HNRNPLL: variants seen among roughly 807,000 people sequenced by gnomAD.
HNRNPLL encodes the protein heterogeneous nuclear ribonucleoprotein L-like.
Under a neutral mutation model 67.1 loss-of-function variants are expected in HNRNPLL, and 25 were observed. The observed-to-expected ratio is 0.37, with a 90% CI of 0.27 to 0.52. The LOEUF is 0.52. HNRNPLL is among the 20% of genes least tolerant of loss of function. The pLI is 0.90. For missense variants in HNRNPLL, 542 were observed against 673.9 expected, an observed-to-expected ratio of 0.80 and a Z score of 2.17; for synonymous variants, 267 against 241.7, an observed-to-expected ratio of 1.10 and a Z score of -0.97.
At chr2:38,569,957 T>A in intron 8 of HNRNPLL, 32 bp from the exon 9 acceptor site, 1 of 1,511,382 alleles carries the variant, frequency 6.6e-7, no homozygotes, top group African/African-American at 1.4e-5. Context: ...AAGGTGACCA[T>A]TTAATTCCCT....
At position 38,563,972 on chromosome 2, in the gene HNRNPLL, T is replaced by G. The variant is rs2148329711; in HGVS notation, c.*210A>C. 2.0e-6 allele frequency: 1 copy of G among 505,998 alleles called. No homozygotes were observed. Among genetic ancestry groups the G allele is most frequent in the East Asian group, 3.4e-5 (1 of 29,550 alleles). The allele number at this position is 505,998 out of a possible 1,614,324, so 31.3% of individuals were successfully genotyped here. ...TAATCTACAATGAAGCTGTAGATAG[T>G]CTACATTATGATATTCTATCTTAAA... is the stretch of plus-strand genomic sequence containing the variant. On this transcript the variant is annotated 3_prime_UTR_variant, in exon 13 of 13. Coordinates refer to ENST00000449105, the MANE Select transcript of HNRNPLL (RefSeq NM_138394.4).
At position 38,578,397 on chromosome 2, in the gene HNRNPLL, T is replaced by C. The variant is rs980610853; in HGVS notation, c.803-865A>G. Among the ~76,000 whole-genome samples, 19 of 152,236 alleles carry C rather than the reference T, an allele frequency of 1.2e-4. 1 individual carries two copies. Among genetic ancestry groups the C allele is most frequent in the African/African-American group, 4.6e-4 (19 of 41,566 alleles). Reference sequence around the variant, plus strand: ...TTTAAAAATCATTATACAATACTTTTAGAAAGTTTGCTGATGAAATTACAG... The same window carrying C: ...TTTAAAAATCATTATACAATACTTTCAGAAAGTTTGCTGATGAAATTACAG... On this transcript the variant is annotated intron_variant, in intron 6 of 12. Transcript: ENST00000449105.
At chr2:38,574,721 C>G (rs1046875481) in intron 7 of HNRNPLL, among the ~76,000 whole-genome samples, 4 of 151,770 alleles carry the variant, frequency 2.6e-5, no homozygotes, top group Non-Finnish European at 5.9e-5. Flanking sequence ...GGGAGGAATA[C>G]TTTATCAATG....
At chr2:38,567,883 T>C (rs1488188557) in intron 12 of HNRNPLL, among the ~76,000 whole-genome samples, 1 of 152,108 alleles carries the variant, frequency 6.6e-6, no homozygotes, top group Non-Finnish European at 1.5e-5. Context: ...CTGAGATTAC[T>C]GCAGACTTAA....
rs1667472034 is a variant in HNRNPLL, at chr2:38,602,252, T to G, written c.189+186A>C. ...GCCTGCGGCCAGGACGGCGCCGGGT[T>G]CGCAGTCGGGATGCGGGAAACAGGT... On this transcript the variant is annotated intron_variant, in intron 1 of 12. Transcript: ENST00000449105. The G allele has an allele frequency of 1.7e-5, 10 of 574,296 alleles. No individual in the cohort carries two copies. The East Asian group carries it at 3.5e-4, about 20-fold the overall frequency. 35.6% of individuals were successfully genotyped at this position (574,296 alleles called of 1,614,324 possible).
chr2:38,598,499 G>C (rs1235026826), intron 1 of HNRNPLL, among the ~76,000 whole-genome samples: 2 of 152,180 alleles, frequency 1.3e-5, no homozygotes, highest in African/African-American at 4.8e-5. Flanking sequence ...AGTTGTTGCT[G>C]TGGCTGTAAG....
Position 38,597,937 on chromosome 2 carries a change from T to A in HNRNPLL, c.189+4501A>T, listed in dbSNP as rs181800784. Among the ~76,000 whole-genome samples, 262 of 152,260 alleles carry A rather than the reference T, an allele frequency of 1.7e-3. 1 individual carries two copies. The highest frequency in any genetic ancestry group is 6.1e-3 in the African/African-American group (253 of 41,564). On this transcript the variant is annotated intron_variant, in intron 1 of 12. Transcript: ENST00000449105. The stretch of plus-strand genomic sequence containing the variant: ...CTCCTAACCTCGTGATCCACCTGCC[T>A]CAGCCTCCCAAATTGCTGGGATTAC...
chr2:38,574,646 T>C (rs1666229258), intron 7 of HNRNPLL, among the ~76,000 whole-genome samples: 1 of 151,828 alleles, frequency 6.6e-6, no homozygotes, highest in Admixed American at 6.6e-5. Context: ...CAGCTGCCAT[T>C]CATAACAACA....
chr2:38,583,755 A>ACAC, intron 4 of HNRNPLL, 86 bp downstream of exon 4: 1 of 563,394 alleles, frequency 1.8e-6, no homozygotes, highest in Non-Finnish European at 3.1e-6. Context: ...GACAAAGTAA[A>ACAC]CACCACTTGT....
chr2:38,594,892 T>G (rs898023327), intron 1 of HNRNPLL, among the ~76,000 whole-genome samples: 12 of 151,960 alleles, frequency 7.9e-5, no homozygotes, highest in African/African-American at 2.7e-4. Context: ...TGCAGTGAAC[T>G]GAGATCACAT....
chr2:38,572,330 G>C (rs967526389), intron 8 of HNRNPLL, among the ~76,000 whole-genome samples: 1 of 152,022 alleles, frequency 6.6e-6, no homozygotes, highest in Non-Finnish European at 1.5e-5. Context: ...AATGAACTAA[G>C]AACTAAATGT....
intron 6 of HNRNPLL, 68 bp from the exon 7 acceptor site, chr2:38,577,600 G>A: frequency 1.1e-6 from 1 of 901,768 alleles, no homozygotes; most frequent in Non-Finnish European, 1.9e-6. Flanking sequence ...TCTCAGATGG[G>A]AAACACCCAT....
chr2:38,601,374 T>C (rs1401711634), intron 1 of HNRNPLL, among the ~76,000 whole-genome samples: 1 of 152,180 alleles, frequency 6.6e-6, no homozygotes, highest in Non-Finnish European at 1.5e-5. Context: ...AAAGGTAAGG[T>C]AAAAACCCTT....
chr2:38,579,082 C>G (rs921781659), intron 6 of HNRNPLL, among the ~76,000 whole-genome samples: 1 of 152,106 alleles, frequency 6.6e-6, no homozygotes, highest in Non-Finnish European at 1.5e-5. Flanking sequence ...ACCTAGGAAT[C>G]TTAAAACCAC....
chr2:38,602,520 G>A lies in HNRNPLL; in HGVS notation c.107C>T (p.Ala36Val). 1 of 1,552,802 alleles carries A rather than the reference G, an allele frequency of 6.4e-7. No individual in the cohort carries two copies. The highest frequency in any genetic ancestry group is 8.7e-7 in the Non-Finnish European group (1 of 1,149,524). Reference protein sequence around the residue: ...KTEEGEIDYSAEEGENRREAT... With the variant: ...KTEEGEIDYSVEEGENRREAT... ...TTCCCGGCGGTTCTCGCCTTCCTCG[G>A]CCGAGTAGTCGATCTCCCCCTCCTC... The change falls in exon 1 of 13, where the codon GCC (alanine) becomes GTC (valine). Residue 36 changes from alanine (A) to valine (V), a missense_variant. By Grantham distance (64) the Ala-to-Val change is moderately conservative. Around this residue, in one of 2 missense-constraint regions of HNRNPLL, gnomAD observed 127 missense variants for 98.7 expected, o/e 1.29. Coordinates refer to ENST00000449105, the MANE Select transcript of HNRNPLL (RefSeq NM_138394.4).
At chr2:38,594,289 T>C (rs535446077) in intron 1 of HNRNPLL, among the ~76,000 whole-genome samples, 27 of 152,262 alleles carry the variant, frequency 1.8e-4, no homozygotes, top group Middle Eastern at 3.4e-3. Flanking sequence ...CTAGGAAAAT[T>C]TGAATACAGA....
At chr2:38,602,124 C>T (rs1269179236) in intron 1 of HNRNPLL, 1 of 373,248 alleles carries the variant, frequency 2.7e-6, no homozygotes, top group Non-Finnish European at 4.8e-6. Flanking sequence ...AAAGAGCTCC[C>T]CGAGCCGCGA....
intron 2 of HNRNPLL, among the ~76,000 whole-genome samples, chr2:38,587,064 TG>T (rs1215558954): frequency 1.3e-5 from 2 of 152,140 alleles, no homozygotes; most frequent in Non-Finnish European, 2.9e-5. Context: ...TACAATTAAG[TG>T]GTTTTCGTAA....
chr2:38,566,391 A>C (rs886329893), intron 12 of HNRNPLL, among the ~76,000 whole-genome samples: 2 of 151,534 alleles, frequency 1.3e-5, no homozygotes, highest in Non-Finnish European at 2.9e-5. Flanking sequence ...AAAAAAAAAA[A>C]AACCAAAAAG....
Sources: gnomAD v4.1 joint callset for allele counts (sites outside exome capture counted in the v4.1 genomes callset) on GRCh38, gnomAD v4.1.1 for gene constraint, gnomAD v4.1.1 regional missense constraint, MANE v1.5 for transcripts, NCBI Gene and HGNC (gene_info 2026-07-23, HGNC 2026-07-21) for gene names.